The following ODF2L variants were observed in gnomAD, a reference collection of about 807,000 sequenced individuals.
ODF2L encodes the protein outer dense fiber of sperm tails 2 like, also known as protein BCAP.
In ODF2L, 76 loss-of-function variants were observed where a neutral mutation model predicts 86.3. The observed-to-expected ratio is 0.88, with a 90% CI of 0.73 to 1.07. ODF2L has a LOEUF of 1.07. Among genes scored for constraint, ODF2L ranks in the 50% least tolerant of loss-of-function variants. The pLI, the probability that ODF2L is intolerant of heterozygous loss-of-function variation, is 0.00. For missense variants in ODF2L, 748 were observed against 717.4 expected (o/e 1.04, Z -0.49); for synonymous variants, 241 against 231.3 (o/e 1.04, Z -0.38).
chr1:86,362,864 T>C (rs1270586633), intron 11 of ODF2L, among the ~76,000 whole-genome samples: 2 of 152,304 alleles, frequency 1.3e-5, no homozygotes, highest in South Asian at 4.1e-4. Flanking sequence ...TTCACCATGT[T>C]GACCAGGCTG....
At position 86,372,551 on chromosome 1, in the gene ODF2L, C is replaced by A; in HGVS notation, c.811-11G>T. The A allele has an allele frequency of 7.3e-7, 1 of 1,361,518 alleles. No individual in the cohort carries two copies. 84.3% of individuals were successfully genotyped at this position (1,361,518 alleles called of 1,614,324 possible). On this transcript the variant is annotated splice_polypyrimidine_tract_variant and intron_variant, in intron 8 of 17. Coordinates refer to ENST00000317336, the Ensembl canonical transcript of ODF2L. The stretch of plus-strand genomic sequence containing the variant: ...AGACAACTTGGCTTCCTAAAAAATA[C>A]ATAAAAGTATTCATACTATAATTTT...
downstream of ODF2L, chr1:86,347,808 C>T (rs919826759): frequency 2.0e-5 from 3 of 152,172 alleles, no homozygotes; most frequent in African/African-American, 7.2e-5. Context: ...ATTACTTGAT[C>T]CTTTGTAAAC....
chr1:86,356,499 C>A, exon 14 of ODF2L: 3 of 1,613,996 alleles, frequency 1.9e-6, no homozygotes, highest in Non-Finnish European at 2.5e-6. Flanking sequence ...CCCCTTGCAG[C>A]ACTGCAGACT....
Position 86,352,856 on chromosome 1 carries a change from T to TAA in ODF2L, c.1893+2_1893+3insTT. On this transcript the variant is annotated splice_region_variant and intron_variant, in intron 17 of 17. Transcript: ENST00000317336. ...TAATATGTTAAGCCATGCTAATACT[T>TAA]ACACTGTTCATTTTGCAAACAAGTT... The TAA allele has an allele frequency of 6.6e-7, 1 of 1,507,820 alleles. No individual in the cohort carries two copies. The highest frequency in any genetic ancestry group is 9.1e-7 in the Non-Finnish European group (1 of 1,095,748). 93.4% of individuals were successfully genotyped at this position (1,507,820 alleles called of 1,614,324 possible). A position where few individuals can be genotyped will look rare whatever the true frequency, so the allele number is the denominator to read the frequency against.
chr1:86,374,262 A>G (rs1660019632), intron 8 of ODF2L, among the ~76,000 whole-genome samples: 1 of 152,200 alleles, frequency 6.6e-6, no homozygotes, highest in Non-Finnish European at 1.5e-5. Flanking sequence ...GTATAAAATA[A>G]GCTTTAATAT....
chr1:86,373,702 T>C (rs272508), intron 8 of ODF2L, among the ~76,000 whole-genome samples: 131,205 of 151,984 alleles, frequency 0.86, 57,051 homozygotes, highest in Middle Eastern at 0.96. Flanking sequence ...ACAGAAACTA[T>C]CCCCAATTCC....
intron 7 of ODF2L, among the ~76,000 whole-genome samples, chr1:86,379,528 A>G (rs1292465057): frequency 6.6e-6 from 1 of 152,180 alleles, no homozygotes; most frequent in Non-Finnish European, 1.5e-5. Flanking sequence ...AACAATCCAA[A>G]TATGTACCAA....
chr1:86,383,734 C>T (rs1660744882), intron 4 of ODF2L, among the ~76,000 whole-genome samples: 1 of 151,602 alleles, frequency 6.6e-6, no homozygotes, highest in African/African-American at 2.4e-5. Flanking sequence ...ACATATAATG[C>T]AAAATTGTAC....
Position 86,375,781 on chromosome 1 carries a change from G to A in ODF2L, c.810+452C>T, listed in dbSNP as rs180772378. Among the ~76,000 whole-genome samples, 71 of 152,262 alleles carry A rather than the reference G, an allele frequency of 4.7e-4. 1 individual carries two copies. The South Asian group carries it at 1.0e-2, about 21-fold the overall frequency. On this transcript the variant is annotated intron_variant, in intron 8 of 17. Coordinates refer to ENST00000317336, the Ensembl canonical transcript of ODF2L. ...TAGTGTTCCTCAGAACCAGTTCCAA[G>A]AGTTGCTTTGTGCATAAAAGACTAG...
intron 11 of ODF2L, chr1:86,368,626 A>G: frequency 7.1e-7 from 1 of 1,410,986 alleles, no homozygotes; most frequent in South Asian, 1.7e-5. Flanking sequence ...CAGTATGAGT[A>G]ATAAAATACC....
rs543304076 is a variant in ODF2L, at chr1:86,383,023, GAA to G, written c.436-23_436-22del. 1,811 of 1,380,928 alleles carry G rather than the reference GAA, an allele frequency of 1.3e-3. 12 individuals are homozygous for G. In the Middle Eastern group the frequency reaches 0.015, roughly 11 times the overall value. 85.5% of individuals were successfully genotyped at this position (1,380,928 alleles called of 1,614,324 possible). On this transcript the variant is annotated intron_variant, in intron 5 of 17. Coordinates refer to ENST00000317336, the Ensembl canonical transcript of ODF2L. ...AGATTCTTGAGCAAATATAAAATAA[GAA>G]TTAGGAATTTCACAACTTGGATAAT... is the stretch of plus-strand genomic sequence containing the variant.
intron 2 of ODF2L, 40 bp from the exon 3 acceptor site, chr1:86,385,630 T>C (rs1660900871): frequency 6.5e-7 from 1 of 1,546,684 alleles, no homozygotes; most frequent in African/African-American, 1.4e-5. Flanking sequence ...GTTAAATCCA[T>C]TTCATTTAAA....
At chr1:86,371,135 C>A in exon 10 of ODF2L, 1 of 1,510,670 alleles carries the variant, frequency 6.6e-7, no homozygotes, top group South Asian at 1.3e-5. Context: ...TCAGATCTTC[C>A]AAAAGATTAA....
exon 13 of ODF2L, chr1:86,358,809 G>T (rs764658574): frequency 9.5e-6 from 14 of 1,471,976 alleles, no homozygotes; most frequent in East Asian, 4.8e-5. Flanking sequence ...TTTATTTTTG[G>T]TTTTTGTTAT....
chr1:86,390,738 G>A (rs546062754), intron 1 of ODF2L, among the ~76,000 whole-genome samples: 3 of 152,098 alleles, frequency 2.0e-5, no homozygotes, highest in Non-Finnish European at 4.4e-5. Flanking sequence ...ACTGAATGGG[G>A]AAAAGTTGAA....
At chr1:86,365,915 G>C (rs924537511) in intron 11 of ODF2L, among the ~76,000 whole-genome samples, 1 of 152,160 alleles carries the variant, frequency 6.6e-6, no homozygotes, top group Non-Finnish European at 1.5e-5. Context: ...AGAACACCTG[G>C]AACTAGGAGT....
At chr1:86,348,671 A>G (rs1309702109), downstream of ODF2L, 14 of 1,166,460 alleles carry the variant, frequency 1.2e-5, no homozygotes, top group Admixed American at 4.1e-5. Flanking sequence ...TGTAACTGGT[A>G]GTATATTTAT....
intron 11 of ODF2L, among the ~76,000 whole-genome samples, chr1:86,366,419 CACACACACACACACAT>C (rs1226932122): frequency 8.3e-5 from 12 of 144,398 alleles, no homozygotes; most frequent in African/African-American, 2.4e-4. Flanking sequence ...CACACACACA[CACACACACACACACAT>C]ACACATACAC....
intron 4 of ODF2L, 70 bp downstream of exon 4, chr1:86,384,606 T>C (rs1379274900): frequency 6.8e-6 from 7 of 1,026,182 alleles, no homozygotes; most frequent in Non-Finnish European, 9.1e-6. Context: ...ATTTCTACAG[T>C]TTAAAAATAA....
Sources: gnomAD v4.1 joint callset for allele counts (sites outside exome capture counted in the v4.1 genomes callset) on GRCh38, gnomAD v4.1.1 for gene constraint, MANE v1.5 for transcripts, NCBI Gene and HGNC (gene_info 2026-07-23, HGNC 2026-07-21) for gene names.